Variants in RSPO3 observed in about 807,000 individuals in gnomAD.
The protein encoded by RSPO3 is R-spondin-3.
RSPO3 carries 17 observed loss-of-function variants against 36.5 expected under a neutral mutation model. That is an observed-to-expected ratio of 0.47 (90% CI 0.32 to 0.70). The LOEUF (loss-of-function observed/expected upper bound fraction) is 0.70, where lower values mean the gene tolerates loss of function less well. Ranked by LOEUF, RSPO3 falls within the 30% of genes least tolerant of loss-of-function variation. RSPO3 has a pLI of 0.04. For synonymous variants in RSPO3, 108 were observed against 107.0 expected, an observed-to-expected ratio of 1.01 and a Z score of -0.06; for missense variants, 294 against 322.5, an observed-to-expected ratio of 0.91 and a Z score of 0.68.
intron 1 of RSPO3, among the ~76,000 whole-genome samples, chr6:127,146,160 T>C (rs962425053): frequency 6.6e-6 from 1 of 152,136 alleles, no homozygotes; most frequent in Non-Finnish European, 1.5e-5. Context: ...TTGCCATCAT[T>C]TGATATTCAA....
chr6:127,195,526 T>C (rs905581697), intron 4 of RSPO3, among the ~76,000 whole-genome samples: 2 of 152,184 alleles, frequency 1.3e-5, no homozygotes, highest in Non-Finnish European at 2.9e-5. Flanking sequence ...AAACTTTCCA[T>C]GAAACATGCA....
At chr6:127,150,199 A>G (rs991577428) in intron 2 of RSPO3, among the ~76,000 whole-genome samples, 6 of 151,740 alleles carry the variant, frequency 4.0e-5, no homozygotes, top group Admixed American at 6.6e-5. Context: ...ACACACACAA[A>G]GATTTTTTCA....
At chr6:127,165,780 G>C (rs796296704) in intron 4 of RSPO3, among the ~76,000 whole-genome samples, 12 of 151,976 alleles carry the variant, frequency 7.9e-5, no homozygotes, top group African/African-American at 2.7e-4. Context: ...AGAAAGTATT[G>C]AAATAGTTTA....
intron 1 of RSPO3, among the ~76,000 whole-genome samples, chr6:127,136,936 T>C: frequency 6.6e-6 from 1 of 152,132 alleles, no homozygotes; most frequent in Non-Finnish European, 1.5e-5. Flanking sequence ...TACCCATGAA[T>C]GAGCTTATTG....
At chr6:127,175,393 C>T (rs1775032162) in intron 4 of RSPO3, among the ~76,000 whole-genome samples, 1 of 151,650 alleles carries the variant, frequency 6.6e-6, no homozygotes, top group Admixed American at 6.6e-5. Context: ...AATTACAGAA[C>T]ATGTTTGAAA....
rs1337194807 is a variant in RSPO3, at chr6:127,150,718, T to C, written c.436+146T>C. On this transcript the variant is annotated intron_variant, in intron 3 of 4. Coordinates refer to ENST00000356698, the MANE Select transcript of RSPO3 (RefSeq NM_032784.5). The stretch of plus-strand genomic sequence containing the variant: ...TCCATCCTTCTTTACAAAGATACTC[T>C]CTTAAAGGTGTTTTTCATAACCTTA... 1.5e-5 allele frequency: 10 copies of C among 673,724 alleles called. No individual in the cohort carries two copies. The Admixed American group carries it at 1.9e-4, about 13-fold the overall frequency. The allele number at this position is 673,724 out of a possible 1,614,324, so 41.7% of individuals were successfully genotyped here.
intron 4 of RSPO3, among the ~76,000 whole-genome samples, chr6:127,172,573 A>G (rs1052136777): frequency 2.6e-5 from 4 of 151,798 alleles, no homozygotes; most frequent in African/African-American, 7.2e-5. Flanking sequence ...ATCACCTTAC[A>G]AAAAGCCAAA....
chr6:127,124,520 G>T (rs75225819), intron 1 of RSPO3, among the ~76,000 whole-genome samples: 4 of 150,328 alleles, frequency 2.7e-5, no homozygotes, highest in Admixed American at 6.6e-5. Context: ...TTTTTTTTTT[G>T]AAAATAATAA....
rs1774689006 is a variant in RSPO3 at position 127,160,485 on chromosome 6, C to CAGG, written c.634+5049_634+5050insGAG. ...TTGAAGCAGCAGTGTACAGCAGCAG[C>CAGG]AGAGGTACTGCTCCTTATGGAGCAG... On this transcript the variant is annotated intron_variant, in intron 4 of 4. Transcript: ENST00000356698. 2.0e-5 allele frequency among the ~76,000 whole-genome samples: 3 copies of CAGG among 152,312 alleles called. No homozygotes were observed. The South Asian group carries it at 6.2e-4, about 32-fold the overall frequency.
chr6:127,178,914 T>C (rs1370472404), intron 4 of RSPO3, among the ~76,000 whole-genome samples: 1 of 151,944 alleles, frequency 6.6e-6, no homozygotes, highest in Non-Finnish European at 1.5e-5. Flanking sequence ...ACTGAAGCGG[T>C]GAACACCCAG....
intron 4 of RSPO3, among the ~76,000 whole-genome samples, chr6:127,182,130 C>G (rs931575980): frequency 2.0e-5 from 3 of 151,704 alleles, no homozygotes; most frequent in Non-Finnish European, 4.4e-5. Context: ...AAGCAGCTCT[C>G]TGGGAAACTC....
At chr6:127,187,495 C>T (rs1775320498) in intron 4 of RSPO3, among the ~76,000 whole-genome samples, 2 of 152,068 alleles carry the variant, frequency 1.3e-5, no homozygotes, top group African/African-American at 4.8e-5. Context: ...AATTTGCCAA[C>T]ATACCCTTTG....
intron 4 of RSPO3, among the ~76,000 whole-genome samples, chr6:127,189,090 T>C (rs1775356515): frequency 6.6e-6 from 1 of 152,120 alleles, no homozygotes; most frequent in African/African-American, 2.4e-5. Context: ...CACAATTATT[T>C]TGCACCAACC....
At chr6:127,143,777 A>G (rs1442388084) in intron 1 of RSPO3, among the ~76,000 whole-genome samples, 2 of 152,224 alleles carry the variant, frequency 1.3e-5, no homozygotes, top group Non-Finnish European at 2.9e-5. Context: ...AACGTAAAGC[A>G]AATGCTTGAA....
chr6:127,163,292 C>A (rs183621748), intron 4 of RSPO3, among the ~76,000 whole-genome samples: 2 of 152,236 alleles, frequency 1.3e-5, no homozygotes, highest in East Asian at 1.9e-4. Flanking sequence ...GCTAGTGTTG[C>A]CGAAACCTCT....
rs1033307937 is a variant in RSPO3 at position 127,155,370 on chromosome 6, T to C, written c.566T>C (p.Leu189Pro). The change falls in exon 4 of 5, where the codon CTG becomes CCG. Residue 189 changes from leucine (L) to proline (P), a missense_variant. Leu to Pro is a moderately conservative substitution (Grantham distance 98, BLOSUM62 -3). Transcript: ENST00000356698. ...IIQHPSAKGN[L>P]CPPTNETRKC... The stretch of plus-strand genomic sequence containing the variant: ...CAGCATCCTTCAGCAAAGGGTAACC[T>C]GTGTCCCCCAACAAATGAGACAAGA... 5 of 1,613,698 alleles carry C rather than the reference T, an allele frequency of 3.1e-6. No individual in the cohort carries two copies. In the African/African-American group the frequency reaches 6.7e-5, roughly 22 times the overall value.
chr6:127,144,361 T>G (rs998111046), intron 1 of RSPO3, among the ~76,000 whole-genome samples: 2 of 152,086 alleles, frequency 1.3e-5, no homozygotes, highest in African/African-American at 4.8e-5. Context: ...GATCTCTATT[T>G]TCACCTCTGA....
chr6:127,159,511 G>A (rs1278030264), intron 4 of RSPO3, among the ~76,000 whole-genome samples: 1 of 151,946 alleles, frequency 6.6e-6, no homozygotes, highest in Non-Finnish European at 1.5e-5. Flanking sequence ...GACACTCCAG[G>A]GAAGAAACAA....
chr6:127,127,151 C>A (rs886544679), intron 1 of RSPO3, among the ~76,000 whole-genome samples: 3 of 151,988 alleles, frequency 2.0e-5, no homozygotes. Flanking sequence ...TAATACAAAC[C>A]ACTACCACAC....
Sources: gnomAD v4.1 joint callset for allele counts (sites outside exome capture counted in the v4.1 genomes callset) on GRCh38, gnomAD v4.1.1 for gene constraint, MANE v1.5 for transcripts, NCBI Gene and HGNC (gene_info 2026-07-23, HGNC 2026-07-21) for gene names.